TRPC4: variants seen among roughly 807,000 people sequenced by gnomAD.
TRPC4 encodes the protein transient receptor potential cation channel subfamily C member 4.
Under a neutral mutation model 99.4 loss-of-function variants are expected in TRPC4, and 49 were observed. The ratio of observed to expected loss-of-function variants is 0.49; its 90% CI spans 0.39 to 0.63. The LOEUF is 0.63. TRPC4 is among the 20% of genes least tolerant of loss of function. The pLI, the probability that TRPC4 is intolerant of heterozygous loss-of-function variation, is 0.00. For synonymous variants in TRPC4, 454 were observed against 425.9 expected, an observed-to-expected ratio of 1.07 and a Z score of -0.81; for missense variants, 898 against 1,152.9, an observed-to-expected ratio of 0.78 and a Z score of 3.20.
chr13:37,729,197 T>C (rs902199992), intron 3 of TRPC4, among the ~76,000 whole-genome samples: 1 of 151,984 alleles, frequency 6.6e-6, no homozygotes, highest in African/African-American at 2.4e-5. Flanking sequence ...CCAAAGAAGA[T>C]ATACCAACAG....
At chr13:37,661,521 A>C (rs922110809) in intron 6 of TRPC4, among the ~76,000 whole-genome samples, 1 of 152,198 alleles carries the variant, frequency 6.6e-6, no homozygotes, top group Non-Finnish European at 1.5e-5. Context: ...TTCTTTCTGG[A>C]AGGCAAAGGA....
intron 1 of TRPC4, among the ~76,000 whole-genome samples, chr13:37,847,740 G>C (rs1958944154): frequency 6.6e-6 from 1 of 152,038 alleles, no homozygotes; most frequent in Non-Finnish European, 1.5e-5. Flanking sequence ...AATAAGCCAA[G>C]CAAAGAAAGA....
At chr13:37,767,485 T>C (rs1027589797) in intron 2 of TRPC4, among the ~76,000 whole-genome samples, 8 of 151,276 alleles carry the variant, frequency 5.3e-5, no homozygotes, top group African/African-American at 1.9e-4. Flanking sequence ...ATGCTATACA[T>C]GGGACTAACT....
At chr13:37,740,893 T>C (rs1955568016) in intron 3 of TRPC4, among the ~76,000 whole-genome samples, 1 of 152,158 alleles carries the variant, frequency 6.6e-6, no homozygotes, top group Non-Finnish European at 1.5e-5. Context: ...AACAGAAGGT[T>C]AGGAGGTCAT....
chr13:37,736,934 T>C (rs571291317), intron 3 of TRPC4, among the ~76,000 whole-genome samples: 2 of 145,452 alleles, frequency 1.4e-5, no homozygotes, highest in South Asian at 4.4e-4. Context: ...GGTTGCACCG[T>C]GTTGCCCAGG....
chr13:37,700,166 A>C (rs1264668093), intron 3 of TRPC4, among the ~76,000 whole-genome samples: 1 of 152,248 alleles, frequency 6.6e-6, no homozygotes, highest in Non-Finnish European at 1.5e-5. Context: ...AAATAGATTA[A>C]AAATGCTAGT....
chr13:37,844,743 C>T (rs1958843595), intron 1 of TRPC4, among the ~76,000 whole-genome samples: 1 of 152,154 alleles, frequency 6.6e-6, no homozygotes. Context: ...CCAGCAACTG[C>T]ATGTAAACCA....
intron 1 of TRPC4, among the ~76,000 whole-genome samples, chr13:37,802,969 CATTT>C (rs770246330): frequency 2.0e-5 from 3 of 151,796 alleles, no homozygotes; most frequent in Admixed American, 6.6e-5. Context: ...CTTCTATGTC[CATTT>C]ATTTATTTAT....
intron 3 of TRPC4, among the ~76,000 whole-genome samples, chr13:37,731,740 C>T (rs1955245651): frequency 6.6e-6 from 1 of 152,008 alleles, no homozygotes; most frequent in Admixed American, 6.6e-5. Flanking sequence ...GTCAAATATT[C>T]CTTTCATTAA....
intron 2 of TRPC4, among the ~76,000 whole-genome samples, chr13:37,754,773 C>T (rs1293929174): frequency 1.3e-5 from 2 of 152,044 alleles, no homozygotes; most frequent in African/African-American, 4.8e-5. Context: ...AATTTTACTG[C>T]AAGATTAGTT....
At chr13:37,637,678 A>T in intron 10 of TRPC4, 53 bp from the exon 11 acceptor site, 2 of 1,503,978 alleles carry the variant, frequency 1.3e-6, no homozygotes, top group Non-Finnish European at 1.8e-6. Flanking sequence ...ATTTGGAAAC[A>T]TCATTTTCTC....
At chr13:37,690,272 A>T (rs17201866) in intron 4 of TRPC4, among the ~76,000 whole-genome samples, 13,348 of 152,254 alleles carry the variant, frequency 0.088, 801 homozygotes, top group Middle Eastern at 0.19. Context: ...TCCAAAGGAC[A>T]CTTCGGACAC....
chr13:37,842,978 T>G (rs1279822011), intron 1 of TRPC4, among the ~76,000 whole-genome samples: 1 of 152,214 alleles, frequency 6.6e-6, no homozygotes, highest in Non-Finnish European at 1.5e-5. Flanking sequence ...AAACAAGATA[T>G]CATACCTGCT....
intron 3 of TRPC4, among the ~76,000 whole-genome samples, chr13:37,717,582 A>G (rs991637232): frequency 6.6e-6 from 1 of 152,120 alleles, no homozygotes. Context: ...ATTTAGAGAT[A>G]AAGTCTTTAA....
At chr13:37,734,704 G>T (rs1955343523) in intron 3 of TRPC4, among the ~76,000 whole-genome samples, 1 of 152,086 alleles carries the variant, frequency 6.6e-6, no homozygotes, top group South Asian at 2.1e-4. Flanking sequence ...TCAAGAAAAG[G>T]GTAAAAAGAG....
At chr13:37,688,383 A>G (rs1170147210) in intron 4 of TRPC4, among the ~76,000 whole-genome samples, 1 of 152,226 alleles carries the variant, frequency 6.6e-6, no homozygotes, top group Non-Finnish European at 1.5e-5. Flanking sequence ...AACTGGTTCT[A>G]TGAGGCTGAA....
chr13:37,700,609 CATA>C (rs1477194408), intron 3 of TRPC4, among the ~76,000 whole-genome samples: 1 of 152,108 alleles, frequency 6.6e-6, no homozygotes, highest in East Asian at 1.9e-4. Context: ...TTCCTTTTAA[CATA>C]ATATCAAGAC....
intron 1 of TRPC4, among the ~76,000 whole-genome samples, chr13:37,805,904 T>C (rs1392232750): frequency 3.3e-5 from 5 of 152,004 alleles, no homozygotes; most frequent in South Asian, 2.1e-4. Context: ...CAATGTCTTA[T>C]TGAGAAAAAA....
At chr13:37,745,444 A>ATATATATATATATATATGCG (rs1955713769) in intron 3 of TRPC4, among the ~76,000 whole-genome samples, 1 of 3,480 alleles carries the variant, frequency 2.9e-4, no homozygotes, top group Non-Finnish European at 9.9e-4. Context: ...GCGTATATAT[A>ATATATATATATATATATGCG]TATATATATA....
Sources: allele counts gnomAD v4.1 joint callset (sites outside exome capture counted in the v4.1 genomes callset), GRCh38; gene constraint gnomAD v4.1.1; transcripts MANE v1.5; gene names NCBI Gene and HGNC (gene_info 2026-07-23, HGNC 2026-07-21).